LARGE1: variants seen among roughly 807,000 people sequenced by gnomAD.
LARGE1 encodes xylosyl- and glucuronyltransferase LARGE1.
Under a neutral mutation model 87.6 loss-of-function variants are expected in LARGE1, and 43 were observed. The observed-to-expected ratio is 0.49, with a 90% CI of 0.38 to 0.63. The LOEUF is 0.63. Among genes scored for constraint, LARGE1 ranks in the 30% least tolerant of loss-of-function variants. The probability of loss-of-function intolerance (pLI) is 0.00; values close to 1 mark genes in which losing one functional copy is unlikely to be tolerated. For synonymous variants in LARGE1, 434 were observed against 394.6 expected (o/e 1.10, Z -1.18); for missense variants, 802 against 1,000.2 (o/e 0.80, Z 2.67).
intron 7 of LARGE1, among the ~76,000 whole-genome samples, chr22:33,401,573 T>C (rs556573955): frequency 6.6e-6 from 1 of 152,324 alleles, no homozygotes; most frequent in Admixed American, 6.5e-5. Context: ...AGCTGGTATA[T>C]AGCCTGTGGG....
chr22:33,571,759 C>T (rs1456189575), intron 5 of LARGE1, among the ~76,000 whole-genome samples: 2 of 152,088 alleles, frequency 1.3e-5, no homozygotes, highest in Non-Finnish European at 2.9e-5. Flanking sequence ...GTTTGGTGGT[C>T]CTTTTCCTTA....
At chr22:33,557,444 G>A (rs189985887) in intron 6 of LARGE1, among the ~76,000 whole-genome samples, 1 of 152,156 alleles carries the variant, frequency 6.6e-6, no homozygotes, top group African/African-American at 2.4e-5. Flanking sequence ...TAATGGAAGA[G>A]GTCATCAAAA....
rs181177796 is a variant in LARGE1 at position 33,542,094 on chromosome 22, A to G, written c.787+22754T>C. On this transcript the variant is annotated intron_variant, in intron 6 of 14. Transcript: ENST00000397394. ...GGAGAAACCCTTGAACCAAGGAGGTAGAGGTTGCATTGAGCCGAGATCGCA... is the reference window on the plus strand; with the variant it reads ...GGAGAAACCCTTGAACCAAGGAGGTGGAGGTTGCATTGAGCCGAGATCGCA... 4.8e-5 allele frequency among the ~76,000 whole-genome samples: 7 copies of G among 145,804 alleles called. No homozygotes were observed. The East Asian group carries it at 1.5e-3, about 31-fold the overall frequency.
rs1164820226 is a variant in LARGE1, at chr22:33,386,693, G to C, written c.893-2389C>G. On this transcript the variant is annotated intron_variant, in intron 7 of 14. Transcript: ENST00000397394. ...ATGTATTATCTGATTGTTTTACTCA[G>C]ATAAACAATGTTGGGGGGGGTAGAA... 1.4e-5 allele frequency among the ~76,000 whole-genome samples: 2 copies of C among 139,220 alleles called. 1 individual carries two copies. Among genetic ancestry groups the C allele is most frequent in the African/African-American group, 5.6e-5 (2 of 35,564 alleles). 91.3% of individuals were successfully genotyped at this position (139,220 alleles called of 152,430 possible). A position where few individuals can be genotyped will look rare whatever the true frequency, so the allele number is the denominator to read the frequency against.
intron 1 of LARGE1, among the ~76,000 whole-genome samples, chr22:33,903,289 A>G (rs973633162): frequency 6.6e-6 from 1 of 152,192 alleles, no homozygotes; most frequent in Non-Finnish European, 1.5e-5. Context: ...CATATAAGCC[A>G]AAGGGAGAGG....
At chr22:33,183,869 G>C (rs1923325710) in intron 11 of LARGE1, among the ~76,000 whole-genome samples, 1 of 151,934 alleles carries the variant, frequency 6.6e-6, no homozygotes, top group Non-Finnish European at 1.5e-5. Context: ...GAAATGGAGA[G>C]ATGTTGGTCA....
intron 6 of LARGE1, among the ~76,000 whole-genome samples, chr22:33,509,038 GAGGAAAAGAAC>G (rs1457557510): frequency 1.3e-5 from 2 of 152,190 alleles, no homozygotes; most frequent in East Asian, 3.8e-4. Flanking sequence ...CTTGGGGAGT[GAGGAAAAGAAC>G]AGGTATATCA....
rs374590623 is a variant in LARGE1 at position 33,316,273 on chromosome 22, G to A, written c.1288-25C>T. 94 of 1,611,302 alleles carry A rather than the reference G, an allele frequency of 5.8e-5. No individual in the cohort carries two copies. In the African/African-American group the frequency reaches 1.2e-3, roughly 20 times the overall value. On this transcript the variant is annotated intron_variant, in intron 10 of 14. Transcript: ENST00000397394. ...GCTGCAGGGTAGGAGAGAGGGCTTG[G>A]GCACGTGAAGAAGAGGTCCGAGGGG... is the stretch of plus-strand genomic sequence containing the variant.
chr22:33,331,184 T>C (rs1162262364), intron 10 of LARGE1, among the ~76,000 whole-genome samples: 1 of 152,102 alleles, frequency 6.6e-6, no homozygotes, highest in Non-Finnish European at 1.5e-5. Context: ...TAAAACCCCA[T>C]GGCAATGGTG....
At chr22:33,252,203 TAA>T (rs1602149881) in intron 11 of LARGE1, among the ~76,000 whole-genome samples, 1 of 152,196 alleles carries the variant, frequency 6.6e-6, no homozygotes, top group East Asian at 1.9e-4. Context: ...TAATTATTTT[TAA>T]GTTATAAATA....
At chr22:33,681,814 C>T (rs2081781959) in intron 2 of LARGE1, among the ~76,000 whole-genome samples, 1 of 152,200 alleles carries the variant, frequency 6.6e-6, no homozygotes, top group South Asian at 2.1e-4. Flanking sequence ...TGTACAGAGG[C>T]ACATTCAGGG....
At chr22:33,120,388 T>TTCTTTCTTTC in the LARGE1 span, among the ~76,000 whole-genome samples, 3 of 97,166 alleles carry the variant, frequency 3.1e-5, no homozygotes, top group African/African-American at 1.9e-4. Flanking sequence ...CTTTCTTTCT[T>TTCTTTCTTTC]TCTTTCTTTC....
rs181157088 is a variant in LARGE1 at position 33,399,591 on chromosome 22, C to T, written c.893-15287G>A. Among the ~76,000 whole-genome samples, 81 of 152,046 alleles carry T rather than the reference C, an allele frequency of 5.3e-4. 1 individual carries two copies. Among genetic ancestry groups the T allele is most frequent in the Admixed American group, 5.0e-3 (77 of 15,278 alleles). On this transcript the variant is annotated intron_variant, in intron 7 of 14. Transcript: ENST00000397394. ...CAGAAACTTCTGCTTTTTTTTTGCC[C>T]AGGCTGGAGTGCAATGGTGCGATCT... is the stretch of plus-strand genomic sequence containing the variant.
At chr22:33,727,035 T>C (rs577675732) in intron 2 of LARGE1, among the ~76,000 whole-genome samples, 1 of 152,234 alleles carries the variant, frequency 6.6e-6, no homozygotes, top group African/African-American at 2.4e-5. Context: ...AATCAGTCTG[T>C]CATGGCTAGC....
intron 6 of LARGE1, among the ~76,000 whole-genome samples, chr22:33,528,654 A>G (rs2072034816): frequency 6.6e-6 from 1 of 152,182 alleles, no homozygotes; most frequent in Admixed American, 6.5e-5. Context: ...TCAGCAGGTT[A>G]GTAGATATCA....
chr22:33,918,396 C>T (rs1341820777), intron 1 of LARGE1, among the ~76,000 whole-genome samples: 1 of 152,190 alleles, frequency 6.6e-6, no homozygotes, highest in Non-Finnish European at 1.5e-5. Context: ...ACCCACTAAC[C>T]TCTAAATCTT....
chr22:33,308,511 G>T (rs1394221508), intron 11 of LARGE1, among the ~76,000 whole-genome samples: 1 of 152,052 alleles, frequency 6.6e-6, no homozygotes, highest in African/African-American at 2.4e-5. Flanking sequence ...GCTATCAATC[G>T]TCCCTTTGCC....
intron 6 of LARGE1, among the ~76,000 whole-genome samples, chr22:33,508,974 T>C (rs2070906408): frequency 6.6e-6 from 1 of 152,220 alleles, no homozygotes; most frequent in South Asian, 2.1e-4. Flanking sequence ...GTTACTTAGC[T>C]GCTAATTGGC....
At chr22:33,328,580 AAATAAT>A (rs143321654) in intron 10 of LARGE1, among the ~76,000 whole-genome samples, 10 of 146,424 alleles carry the variant, frequency 6.8e-5, no homozygotes, top group South Asian at 4.3e-4. Context: ...CTCTCTCTCA[AAATAAT>A]AATAATAATA....
Sources: allele counts gnomAD v4.1 joint callset (sites outside exome capture counted in the v4.1 genomes callset), GRCh38; gene constraint gnomAD v4.1.1; transcripts MANE v1.5; gene names NCBI Gene and HGNC (gene_info 2026-07-23, HGNC 2026-07-21).